The following MAPKAP1 variants were observed in gnomAD, a reference collection of about 807,000 sequenced individuals.
MAPKAP1 encodes MAPK associated protein 1.
In MAPKAP1, 20 loss-of-function variants were observed where a neutral mutation model predicts 65.7. The ratio of observed to expected loss-of-function variants is 0.30; its 90% CI spans 0.21 to 0.44. The LOEUF (loss-of-function observed/expected upper bound fraction) is 0.44. Among genes scored for constraint, MAPKAP1 ranks in the 20% least tolerant of loss-of-function variants. The probability of loss-of-function intolerance (pLI) is 1.00; values close to 1 mark genes in which losing one functional copy is unlikely to be tolerated. For synonymous variants in MAPKAP1, 222 were observed against 244.3 expected, an observed-to-expected ratio of 0.91 and a Z score of 0.85; for missense variants, 423 against 648.0, an observed-to-expected ratio of 0.65 and a Z score of 3.77.
chr9:125,566,186 T>TA (rs1300629829), intron 5 of MAPKAP1, among the ~76,000 whole-genome samples: 1 of 152,236 alleles, frequency 6.6e-6, no homozygotes, highest in East Asian at 1.9e-4. Flanking sequence ...GAGTATTTGC[T>TA]ATGTGTTAAG....
chr9:125,707,120 G>C lies in MAPKAP1; in HGVS notation c.-219C>G. On this transcript the variant is annotated 5_prime_UTR_variant, in exon 1 of 12. Transcript: ENST00000265960. ...GGCGCTCCTCCCGGCCCGCTCAGCT[G>C]CCGCTTCCCGGGTTAGCCCTCATGC... 2.5e-6 allele frequency: 1 copy of C among 398,328 alleles called. No individual in the cohort carries two copies. The highest frequency in any genetic ancestry group is 4.4e-6 in the Non-Finnish European group (1 of 225,842). 24.7% of individuals were successfully genotyped at this position (398,328 alleles called of 1,614,324 possible). A position where few individuals can be genotyped will look rare whatever the true frequency, so the allele number is the denominator to read the frequency against.
intron 4 of MAPKAP1, among the ~76,000 whole-genome samples, chr9:125,610,851 A>C (rs2131629517): frequency 6.6e-6 from 1 of 152,336 alleles, no homozygotes; most frequent in South Asian, 2.1e-4. Flanking sequence ...GAAAAACCTA[A>C]ATGACTCAAA....
chr9:125,620,026 G>C (rs1194887531), intron 4 of MAPKAP1, among the ~76,000 whole-genome samples: 2 of 152,174 alleles, frequency 1.3e-5, no homozygotes, highest in Non-Finnish European at 2.9e-5. Flanking sequence ...ATACAGATTT[G>C]GGCCGGGTGC....
chr9:125,586,865 C>T (rs2131582006), intron 4 of MAPKAP1, among the ~76,000 whole-genome samples: 1 of 152,278 alleles, frequency 6.6e-6, no homozygotes, highest in East Asian at 1.9e-4. Flanking sequence ...AACAACAACC[C>T]CTCTTATTTT....
chr9:125,541,384 A>C (rs1324303466), intron 7 of MAPKAP1, among the ~76,000 whole-genome samples: 1 of 152,176 alleles, frequency 6.6e-6, no homozygotes, highest in Non-Finnish European at 1.5e-5. Flanking sequence ...TTCTACTAAG[A>C]AGCTTAAAAA....
chr9:125,556,905 G>A (rs558803249), intron 6 of MAPKAP1, among the ~76,000 whole-genome samples: 19 of 152,296 alleles, frequency 1.2e-4, no homozygotes, highest in Admixed American at 4.6e-4. Flanking sequence ...TCAGACGACT[G>A]AGAAAAAGAA....
intron 4 of MAPKAP1, among the ~76,000 whole-genome samples, chr9:125,623,226 G>A (rs1245389346): frequency 3.0e-5 from 4 of 131,294 alleles, no homozygotes; most frequent in African/African-American, 1.1e-4. Flanking sequence ...ACCCCATCTG[G>A]GAAGTGAGGA....
intron 8 of MAPKAP1, among the ~76,000 whole-genome samples, chr9:125,493,650 C>T (rs139979379): frequency 6.6e-6 from 1 of 152,328 alleles, no homozygotes; most frequent in African/African-American, 2.4e-5. Flanking sequence ...ATTCAGACTC[C>T]CCAACAGACT....
intron 10 of MAPKAP1, among the ~76,000 whole-genome samples, chr9:125,449,098 TA>T (rs1334224780): frequency 6.6e-6 from 1 of 152,088 alleles, no homozygotes; most frequent in Admixed American, 6.5e-5. Flanking sequence ...TAGTTCAAAT[TA>T]TTTTGCATTA....
chr9:125,661,528 G>A (rs149718706), intron 3 of MAPKAP1, among the ~76,000 whole-genome samples: 5 of 151,850 alleles, frequency 3.3e-5, no homozygotes, highest in South Asian at 2.1e-4. Flanking sequence ...AAAAATCCTC[G>A]GAATATATTA....
chr9:125,692,966 A>G (rs16928407), intron 1 of MAPKAP1, among the ~76,000 whole-genome samples: 4,048 of 152,266 alleles, frequency 0.027, 186 homozygotes, highest in African/African-American at 0.093. Context: ...TAGTTGAAGG[A>G]GGTTAATCCT....
At chr9:125,617,824 A>G (rs1057063221) in intron 4 of MAPKAP1, among the ~76,000 whole-genome samples, 3 of 152,226 alleles carry the variant, frequency 2.0e-5, no homozygotes, top group African/African-American at 7.2e-5. Context: ...GTGGTCAGGG[A>G]GCAAGGAGGA....
chr9:125,595,586 A>G lies in MAPKAP1; in HGVS notation c.499-9859T>C. ...TCAAAATAATCTTGAATTAAGAAAT[A>G]TCATGCTATGTTTGTCAGCTTACTC... On this transcript the variant is annotated intron_variant, in intron 4 of 11. Coordinates refer to ENST00000265960, the MANE Select transcript of MAPKAP1 (RefSeq NM_001006617.3). This position sits in a 1 kb window ranked among gnomAD's most constrained non-coding sequence, Gnocchi z 4.0. The G allele has an allele frequency of 7.8e-7, 1 of 1,282,888 alleles. No homozygotes were observed. The highest frequency in any genetic ancestry group is 9.9e-7 in the Non-Finnish European group (1 of 1,009,282). The allele number at this position is 1,282,888 out of a possible 1,614,324, so 79.5% of individuals were successfully genotyped here.
At chr9:125,611,877 T>A (rs1442173107) in intron 4 of MAPKAP1, among the ~76,000 whole-genome samples, 3 of 152,190 alleles carry the variant, frequency 2.0e-5, no homozygotes, top group African/African-American at 7.2e-5. Flanking sequence ...TCAAGCGTAT[T>A]TCTGTCTAAC....
chr9:125,557,633 T>C (rs1233880860), intron 6 of MAPKAP1, among the ~76,000 whole-genome samples: 2 of 147,356 alleles, frequency 1.4e-5, no homozygotes, highest in African/African-American at 4.8e-5. Context: ...ATGACCATCA[T>C]CATCAAATTA....
intron 1 of MAPKAP1, among the ~76,000 whole-genome samples, chr9:125,698,278 A>AAT (rs1448637048): frequency 1.9e-4 from 5 of 26,596 alleles, no homozygotes; most frequent in African/African-American, 1.3e-3. Context: ...TATAATACAT[A>AAT]ATATATATAA....
At chr9:125,693,752 C>CAT (rs1218303449) in intron 1 of MAPKAP1, among the ~76,000 whole-genome samples, 3 of 148,722 alleles carry the variant, frequency 2.0e-5, no homozygotes, top group Non-Finnish European at 4.4e-5. Flanking sequence ...TATATATACA[C>CAT]ATATATACAC....
At chr9:125,596,371 G>A in intron 4 of MAPKAP1, 1 of 803,014 alleles carries the variant, frequency 1.2e-6, no homozygotes, top group South Asian at 1.3e-5. Context: ...GGTGGTGGTG[G>A]ATATGGTGGC....
At chr9:125,684,063 AT>A (rs1000257673) in intron 1 of MAPKAP1, among the ~76,000 whole-genome samples, 8 of 152,176 alleles carry the variant, frequency 5.3e-5, no homozygotes, top group African/African-American at 1.7e-4. Context: ...TTTTAATAGC[AT>A]TTTATTTCTA....
Sources: allele counts gnomAD v4.1 joint callset (sites outside exome capture counted in the v4.1 genomes callset), GRCh38; gene constraint gnomAD v4.1.1; non-coding constraint Gnocchi (gnomAD v3.1); transcripts MANE v1.5; gene names NCBI Gene and HGNC (gene_info 2026-07-23, HGNC 2026-07-21).